PKIB: variants seen among roughly 807,000 people sequenced by gnomAD.
PKIB encodes cAMP-dependent protein kinase inhibitor beta.
A neutral mutation model predicts 4.5 loss-of-function variants in PKIB; 2 were observed. That is an observed-to-expected ratio of 0.44 (90% CI 0.18 to 1.39). The LOEUF (loss-of-function observed/expected upper bound fraction) is 1.39. PKIB is among the 40% of genes most tolerant of loss of function. The pLI, the probability that PKIB is intolerant of heterozygous loss-of-function variation, is 0.27. For synonymous variants in PKIB, 38 were observed against 36.0 expected (o/e 1.06, Z -0.20); for missense variants, 94 against 92.6 (o/e 1.02, Z -0.06).
intron 2 of PKIB, among the ~76,000 whole-genome samples, chr6:122,524,103 TTC>T (rs1176110909): frequency 1.3e-5 from 2 of 152,036 alleles, no homozygotes; most frequent in African/African-American, 4.8e-5. Context: ...TTCTTCTTTC[TTC>T]TCTCTTCTTC....
At chr6:122,674,818 T>C (rs1777608725) in intron 2 of PKIB, among the ~76,000 whole-genome samples, 1 of 152,232 alleles carries the variant, frequency 6.6e-6, no homozygotes, top group Non-Finnish European at 1.5e-5. Flanking sequence ...CTTAACAGCA[T>C]CAATGCAGCA....
chr6:122,545,654 G>C (rs1294218445), intron 2 of PKIB, among the ~76,000 whole-genome samples: 1 of 151,106 alleles, frequency 6.6e-6, no homozygotes, highest in East Asian at 2.0e-4. Context: ...AGGGTGGCAG[G>C]AGGGTGTGGA....
intron 2 of PKIB, among the ~76,000 whole-genome samples, chr6:122,508,832 G>C (rs1389383207): frequency 6.6e-6 from 1 of 151,816 alleles, no homozygotes; most frequent in Non-Finnish European, 1.5e-5. Context: ...CTCACTGCAA[G>C]CTCCGCCTCC....
At chr6:122,704,104 C>T (rs1163537371) in intron 3 of PKIB, among the ~76,000 whole-genome samples, 1 of 151,820 alleles carries the variant, frequency 6.6e-6, no homozygotes, top group African/African-American at 2.4e-5. Flanking sequence ...ATTGTCGGTT[C>T]CAGGCCAAGT....
intron 1 of PKIB, among the ~76,000 whole-genome samples, chr6:122,616,820 T>C (rs1775012006): frequency 1.3e-5 from 2 of 152,112 alleles, no homozygotes; most frequent in Admixed American, 6.6e-5. Flanking sequence ...GATTGATCAA[T>C]AAATAGTAAT....
intron 2 of PKIB, among the ~76,000 whole-genome samples, chr6:122,645,460 A>G (rs1427583713): frequency 1.3e-5 from 2 of 152,196 alleles, no homozygotes; most frequent in Non-Finnish European, 2.9e-5. Flanking sequence ...CCTGGCAGAT[A>G]GGGGGTCGGA....
chr6:122,558,147 T>C (rs2114667303), intron 2 of PKIB, among the ~76,000 whole-genome samples: 1 of 152,244 alleles, frequency 6.6e-6, no homozygotes, highest in Admixed American at 6.5e-5. Context: ...CAGGTTGTAT[T>C]TGTAGGGTTT....
intron 1 of PKIB, among the ~76,000 whole-genome samples, chr6:122,474,293 T>C (rs1453314586): frequency 6.6e-6 from 1 of 152,224 alleles, no homozygotes; most frequent in African/African-American, 2.4e-5. Flanking sequence ...TAAGCTTGGA[T>C]GGTACTGCCT....
chr6:122,715,827 T>A (rs1239387723), intron 3 of PKIB, among the ~76,000 whole-genome samples: 1 of 152,066 alleles, frequency 6.6e-6, no homozygotes, highest in East Asian at 1.9e-4. Flanking sequence ...GATAATTTTG[T>A]GATAATCCAT....
At chr6:122,690,935 T>TC (rs1778321649) in intron 3 of PKIB, among the ~76,000 whole-genome samples, 1 of 145,988 alleles carries the variant, frequency 6.8e-6, no homozygotes, top group Non-Finnish European at 1.5e-5. Context: ...TATATATATT[T>TC]TTTTTTTTTT....
chr6:122,601,126 G>C (rs1562265587), intron 3 of PKIB, among the ~76,000 whole-genome samples: 1 of 151,224 alleles, frequency 6.6e-6, no homozygotes, highest in Non-Finnish European at 1.5e-5. Flanking sequence ...AACACAGAAA[G>C]AAAAAGGGCC....
chr6:122,538,029 G>GT (rs1319990198), intron 2 of PKIB, among the ~76,000 whole-genome samples: 1 of 151,754 alleles, frequency 6.6e-6, no homozygotes, highest in Non-Finnish European at 1.5e-5. Flanking sequence ...GGGGTTGTTT[G>GT]TTTTTTTCTT....
At chr6:122,573,325 T>C (rs1410425864) in intron 2 of PKIB, among the ~76,000 whole-genome samples, 6 of 151,736 alleles carry the variant, frequency 4.0e-5, no homozygotes, top group African/African-American at 1.2e-4. Context: ...CCCAGAAGGT[T>C]AAAACCAGCC....
intron 1 of PKIB, among the ~76,000 whole-genome samples, chr6:122,619,224 G>T (rs946819839): frequency 2.0e-5 from 3 of 152,140 alleles, no homozygotes; most frequent in African/African-American, 7.2e-5. Context: ...TTTTAAGGAT[G>T]TCAAAGTTAT....
At chr6:122,627,089 A>T (rs1261048985) in intron 1 of PKIB, among the ~76,000 whole-genome samples, 1 of 151,034 alleles carries the variant, frequency 6.6e-6, no homozygotes, top group Non-Finnish European at 1.5e-5. Context: ...AAAAAAAAAA[A>T]AAAATTAGCT....
At chr6:122,553,481 C>CTTTTTTTTTTTTTTGTT (rs1772747277) in intron 2 of PKIB, among the ~76,000 whole-genome samples, 1 of 65,838 alleles carries the variant, frequency 1.5e-5, no homozygotes, top group African/African-American at 5.9e-5. Context: ...CAAATATCTT[C>CTTTTTTTTTTTTTTGTT]TTTTTTTTTT....
At chr6:122,651,260 G>A (rs1346778225) in intron 2 of PKIB, among the ~76,000 whole-genome samples, 4 of 152,064 alleles carry the variant, frequency 2.6e-5, no homozygotes, top group Admixed American at 6.5e-5. Context: ...ATTCATTTAC[G>A]TATTCCCCAG....
intron 3 of PKIB, among the ~76,000 whole-genome samples, chr6:122,687,069 A>G (rs1480014764): frequency 1.3e-5 from 2 of 152,136 alleles, no homozygotes; most frequent in Admixed American, 1.3e-4. Context: ...AGTTTTCTCA[A>G]TGTTTTCCTT....
chr6:122,608,800 A>T (rs867092434), upstream of PKIB, among the ~76,000 whole-genome samples: 14 of 152,162 alleles, frequency 9.2e-5, no homozygotes, highest in Admixed American at 3.3e-4. Context: ...CAAAATACAG[A>T]TTTTACAAAG....
Sources: allele counts gnomAD v4.1 joint callset (sites outside exome capture counted in the v4.1 genomes callset), GRCh38; gene constraint gnomAD v4.1.1; transcripts MANE v1.5; gene names NCBI Gene and HGNC (gene_info 2026-07-23, HGNC 2026-07-21).